Variants in QTMAN observed in about 807,000 individuals in gnomAD.
QTMAN encodes the protein tRNA-queuosine alpha-mannosyltransferase.
chr2:144,227,114 T>C, the QTMAN span, among the ~76,000 whole-genome samples: 1 of 152,206 alleles, frequency 6.6e-6, no homozygotes, highest in Admixed American at 6.5e-5. Context: ...CTTTAATATG[T>C]CTTTAGCCAT....
the QTMAN span, among the ~76,000 whole-genome samples, chr2:144,109,601 G>C: frequency 6.6e-6 from 1 of 151,878 alleles, no homozygotes; most frequent in Non-Finnish European, 1.5e-5. Context: ...CCATCAGAGT[G>C]AACAGGCAAC....
the QTMAN span, among the ~76,000 whole-genome samples, chr2:144,197,295 TTGTG>T: frequency 3.9e-4 from 57 of 147,984 alleles, no homozygotes; most frequent in African/African-American, 5.2e-4. Context: ...GACTGTATAT[TTGTG>T]TGTGTGTGTG....
chr2:143,969,126 CATT>C, the QTMAN span, among the ~76,000 whole-genome samples: 1 of 152,334 alleles, frequency 6.6e-6, no homozygotes, highest in East Asian at 1.9e-4. Flanking sequence ...CAGCACTCAT[CATT>C]GAGGTTTTTC....
chr2:144,120,619 C>A, the QTMAN span, among the ~76,000 whole-genome samples: 11 of 152,082 alleles, frequency 7.2e-5, 1 homozygote, highest in Middle Eastern at 6.3e-3. Context: ...CACATTCCCA[C>A]GAAATTTTAT....
chr2:144,001,954 T>C, the QTMAN span, among the ~76,000 whole-genome samples: 1 of 151,842 alleles, frequency 6.6e-6, no homozygotes, highest in Non-Finnish European at 1.5e-5. Flanking sequence ...TTTCAAAGAG[T>C]AGTCTGAATT....
At chr2:144,092,870 G>GGGGTGT in the QTMAN span, among the ~76,000 whole-genome samples, 25 of 140,726 alleles carry the variant, frequency 1.8e-4, no homozygotes, top group South Asian at 4.8e-4. Flanking sequence ...AAACTTTTGG[G>GGGGTGT]GTGTGTGTGT....
chr2:144,189,590 C>A, the QTMAN span, among the ~76,000 whole-genome samples: 1 of 152,036 alleles, frequency 6.6e-6, no homozygotes, highest in African/African-American at 2.4e-5. Flanking sequence ...ATGTTCTGTT[C>A]CCTGGGAGAC....
chr2:144,213,316 T>G, the QTMAN span, among the ~76,000 whole-genome samples: 1 of 152,170 alleles, frequency 6.6e-6, no homozygotes, highest in Non-Finnish European at 1.5e-5. Flanking sequence ...TTAGAACTGC[T>G]GTGGTAGTTG....
chr2:143,974,328 A>C, the QTMAN span, among the ~76,000 whole-genome samples: 1 of 152,208 alleles, frequency 6.6e-6, no homozygotes. Context: ...TTACCCAAGT[A>C]TTGCAATTTA....
chr2:144,320,216 T>C, the QTMAN span, among the ~76,000 whole-genome samples: 2 of 152,224 alleles, frequency 1.3e-5, no homozygotes, highest in Non-Finnish European at 2.9e-5. Flanking sequence ...TTTCAGGCTA[T>C]AGTGGCCAAC....
the QTMAN span, among the ~76,000 whole-genome samples, chr2:144,196,370 T>C: frequency 1.3e-5 from 2 of 152,084 alleles, no homozygotes; most frequent in East Asian, 1.9e-4. Flanking sequence ...TTATCTACTT[T>C]AATTTTATAA....
At chr2:144,070,072 G>A in the QTMAN span, among the ~76,000 whole-genome samples, 47 of 152,032 alleles carry the variant, frequency 3.1e-4, 2 homozygotes, top group South Asian at 9.6e-3. Context: ...ACGTGCTTCT[G>A]GAAACTTATT....
chr2:144,212,630 G>A, the QTMAN span, among the ~76,000 whole-genome samples: 5 of 152,112 alleles, frequency 3.3e-5, no homozygotes, highest in African/African-American at 1.2e-4. Context: ...ATGACATTAA[G>A]AAAAGAGTAA....
the QTMAN span, among the ~76,000 whole-genome samples, chr2:144,048,625 C>T: frequency 6.6e-6 from 1 of 152,092 alleles, no homozygotes; most frequent in African/African-American, 2.4e-5. Context: ...ATAAAATAAA[C>T]CAAATGGTTG....
chr2:144,001,618 C>T, the QTMAN span, among the ~76,000 whole-genome samples: 1 of 151,824 alleles, frequency 6.6e-6, no homozygotes, highest in Non-Finnish European at 1.5e-5. Context: ...TGCCTCATGG[C>T]CCACTCCTTA....
the QTMAN span, among the ~76,000 whole-genome samples, chr2:144,252,633 T>C: frequency 6.6e-6 from 1 of 152,222 alleles, no homozygotes; most frequent in African/African-American, 2.4e-5. Flanking sequence ...TGCTCACCAC[T>C]GCTCCTTTTT....
At chr2:144,176,047 A>C in the QTMAN span, among the ~76,000 whole-genome samples, 1 of 152,234 alleles carries the variant, frequency 6.6e-6, no homozygotes, top group Non-Finnish European at 1.5e-5. Flanking sequence ...GTTATAAAGT[A>C]AGTATAACAA....
the QTMAN span, among the ~76,000 whole-genome samples, chr2:143,991,690 G>GT: frequency 2.1e-5 from 3 of 140,788 alleles, no homozygotes; most frequent in Admixed American, 7.0e-5. Flanking sequence ...GGGAGGTGGG[G>GT]GGTCAGCCCG....
At chr2:143,965,983 T>C in the QTMAN span, among the ~76,000 whole-genome samples, 1 of 152,248 alleles carries the variant, frequency 6.6e-6, no homozygotes, top group African/African-American at 2.4e-5. Flanking sequence ...AGGGGATGAA[T>C]TGCAAGACCT....
Sources: gnomAD v4.1 joint callset for allele counts (sites outside exome capture counted in the v4.1 genomes callset) on GRCh38, gnomAD v4.1.1 for gene constraint, MANE v1.5 for transcripts, NCBI Gene and HGNC (gene_info 2026-07-23, HGNC 2026-07-21) for gene names.